ANKRD6: variants seen among roughly 807,000 people sequenced by gnomAD.
The protein encoded by ANKRD6 is ankyrin repeat domain 6, also known as ankyrin repeat domain-containing protein 6.
Under a neutral mutation model 82.3 loss-of-function variants are expected in ANKRD6, and 56 were observed. That is an observed-to-expected ratio of 0.68 (90% CI 0.55 to 0.85). The LOEUF (loss-of-function observed/expected upper bound fraction) is 0.85, where lower values mean the gene tolerates loss of function less well. Ranked by LOEUF, ANKRD6 falls within the 40% of genes least tolerant of loss-of-function variation. The pLI, the probability that ANKRD6 is intolerant of heterozygous loss-of-function variation, is 0.00. For missense variants in ANKRD6, 852 were observed against 907.6 expected, an observed-to-expected ratio of 0.94 and a Z score of 0.79; for synonymous variants, 347 against 352.1, an observed-to-expected ratio of 0.99 and a Z score of 0.16.
At chr6:89,539,202 A>G (rs1784191902) in intron 1 of ANKRD6, among the ~76,000 whole-genome samples, 1 of 152,178 alleles carries the variant, frequency 6.6e-6, no homozygotes, top group African/African-American at 2.4e-5. Flanking sequence ...TCTCATTTTG[A>G]ATAAAAATTA....
chr6:89,552,707 G>A (rs1391114778), intron 1 of ANKRD6, among the ~76,000 whole-genome samples: 3 of 152,096 alleles, frequency 2.0e-5, no homozygotes, highest in Non-Finnish European at 4.4e-5. Flanking sequence ...CTTGGGAGTA[G>A]CTCCCTAGCG....
intron 1 of ANKRD6, among the ~76,000 whole-genome samples, chr6:89,456,394 A>T (rs1773516480): frequency 6.6e-6 from 1 of 152,154 alleles, no homozygotes; most frequent in Non-Finnish European, 1.5e-5. Context: ...GGTTTTGGAG[A>T]CTGGAAGTCC....
intron 1 of ANKRD6, among the ~76,000 whole-genome samples, chr6:89,549,339 T>G (rs9451241): frequency 0.51 from 77,100 of 150,476 alleles, 20,299 homozygotes; most frequent in South Asian, 0.72. Flanking sequence ...TGTTATTGCA[T>G]GAGTGAGTTC....
rs557944991 is a variant in ANKRD6, at chr6:89,618,190, G to C, written c.792+159G>C. 191 of 793,470 alleles carry C rather than the reference G, an allele frequency of 2.4e-4. 2 individuals carry two copies. Among genetic ancestry groups the C allele is most frequent in the South Asian group, 7.3e-4 (52 of 71,250 alleles). 49.2% of individuals were successfully genotyped at this position (793,470 alleles called of 1,614,324 possible). A position where few individuals can be genotyped will look rare whatever the true frequency, so the allele number is the denominator to read the frequency against. ...CATGCATGGGGGCCCAGGATGACGG[G>C]AGTCAAAGGCATCAAGTCCAGCTCT... On this transcript the variant is annotated intron_variant, in intron 9 of 15. Transcript: ENST00000339746.
At chr6:89,518,663 G>A (rs535702507) in intron 1 of ANKRD6, among the ~76,000 whole-genome samples, 2 of 152,246 alleles carry the variant, frequency 1.3e-5, no homozygotes, top group Admixed American at 6.5e-5. Flanking sequence ...TAACACTGAT[G>A]AGGAATTGAA....
intron 1 of ANKRD6, among the ~76,000 whole-genome samples, chr6:89,461,673 C>A (rs958107605): frequency 4.6e-5 from 7 of 152,194 alleles, no homozygotes; most frequent in Non-Finnish European, 1.0e-4. Context: ...TATAAGCTCT[C>A]TAGTGTATTA....
At chr6:89,478,951 G>T (rs1776435879) in intron 1 of ANKRD6, among the ~76,000 whole-genome samples, 1 of 152,116 alleles carries the variant, frequency 6.6e-6, no homozygotes. Flanking sequence ...CTTTATTTCA[G>T]ATTTCTAGCA....
chr6:89,484,692 A>T (rs1355456762), intron 1 of ANKRD6, among the ~76,000 whole-genome samples: 3 of 152,240 alleles, frequency 2.0e-5, no homozygotes, highest in Non-Finnish European at 4.4e-5. Context: ...AAGTAATTAC[A>T]GTAATAGAAT....
At position 89,623,507 on chromosome 6, in the gene ANKRD6, G is replaced by C. The variant is rs779083313; in HGVS notation, c.995G>C (p.Arg332Thr). ...EEFLSASPEP[R>T]AKDDRRRKSR... ...TTCCTGTCAGCCTCCCCAGAACCCA[G>C]AGCAAAGGATGACAGGAGGAGAAAG... Residue 332 changes from arginine to threonine, a missense_variant, in exon 11 of 16, where the codon AGA becomes ACA. Transcript: ENST00000339746. 3.8e-6 allele frequency: 6 copies of C among 1,593,334 alleles called. No homozygotes were observed. Among genetic ancestry groups the C allele is most frequent in the Non-Finnish European group, 4.3e-6 (5 of 1,169,832 alleles).
chr6:89,455,025 G>C (rs11963429), intron 1 of ANKRD6, among the ~76,000 whole-genome samples: 45,992 of 151,756 alleles, frequency 0.3, 7,196 homozygotes, highest in African/African-American at 0.35. Context: ...TGTATTTTTA[G>C]TAGAGACAGG....
At chr6:89,594,811 C>T (rs1268428512) in intron 2 of ANKRD6, among the ~76,000 whole-genome samples, 2 of 152,038 alleles carry the variant, frequency 1.3e-5, no homozygotes, top group African/African-American at 4.8e-5. Flanking sequence ...GGTACAATCA[C>T]AGTTCACTGC....
chr6:89,464,218 C>G (rs1247097098), intron 1 of ANKRD6, among the ~76,000 whole-genome samples: 1 of 151,802 alleles, frequency 6.6e-6, no homozygotes. Flanking sequence ...ATCTAGTAGT[C>G]TAAATTCCTG....
intron 2 of ANKRD6, among the ~76,000 whole-genome samples, chr6:89,572,948 G>A (rs192950066): frequency 3.9e-4 from 59 of 152,250 alleles, no homozygotes; most frequent in Middle Eastern, 3.4e-3. Context: ...GAAAGTGTGA[G>A]CTCTTCACAG....
Position 89,630,685 on chromosome 6 carries a change from A to G in ANKRD6, c.1865A>G (p.Lys622Arg). The change falls in exon 16 of 16, where the codon AAG becomes AGG. Residue 622 changes from lysine to arginine, a missense_variant. Physicochemically the swap from Lys to Arg is conservative, Grantham distance 26. Coordinates refer to ENST00000339746, the MANE Select transcript of ANKRD6 (RefSeq NM_001242809.2). ...GTCAACAGAGGCACTCAAACTAAGA[A>G]GTCTGGGAAGAGTGGGCCAACAAGG... is the stretch of plus-strand genomic sequence containing the variant. ...PCVNRGTQTK[K>R]SGKSGPTRHR... The G allele has an allele frequency of 1.9e-6, 3 of 1,614,012 alleles. No homozygotes were observed. Among genetic ancestry groups the G allele is most frequent in the Non-Finnish European group, 2.5e-6 (3 of 1,179,876 alleles).
chr6:89,474,609 G>C (rs1020022703), intron 1 of ANKRD6, among the ~76,000 whole-genome samples: 1 of 152,114 alleles, frequency 6.6e-6, no homozygotes, highest in African/African-American at 2.4e-5. Context: ...AGTAGAGACG[G>C]GGTTTCACTG....
At chr6:89,457,924 G>A (rs1328787127) in intron 1 of ANKRD6, among the ~76,000 whole-genome samples, 1 of 152,190 alleles carries the variant, frequency 6.6e-6, no homozygotes, top group Non-Finnish European at 1.5e-5. Flanking sequence ...CCTTTGGGAT[G>A]TAATAAAGTT....
At chr6:89,595,769 C>A (rs1795758325) in intron 2 of ANKRD6, 147 bp from the exon 3 acceptor site, 1 of 626,604 alleles carries the variant, frequency 1.6e-6, no homozygotes, top group South Asian at 2.0e-5. Context: ...TTTTGGTTAA[C>A]CCATAAGAAT....
chr6:89,455,875 T>A (rs1773449427), intron 1 of ANKRD6, among the ~76,000 whole-genome samples: 1 of 151,846 alleles, frequency 6.6e-6, no homozygotes, highest in African/African-American at 2.4e-5. Flanking sequence ...TTCTTTTCTC[T>A]CTCTCTCTTT....
intron 1 of ANKRD6, among the ~76,000 whole-genome samples, chr6:89,534,760 A>G (rs1483993195): frequency 6.6e-6 from 1 of 152,200 alleles, no homozygotes; most frequent in Non-Finnish European, 1.5e-5. Context: ...GATGCACAGA[A>G]GTAAATTAGT....
Sources: allele counts gnomAD v4.1 joint callset (sites outside exome capture counted in the v4.1 genomes callset), GRCh38; gene constraint gnomAD v4.1.1; transcripts MANE v1.5; gene names NCBI Gene and HGNC (gene_info 2026-07-23, HGNC 2026-07-21).